Variants in NFIX observed in about 807,000 individuals in gnomAD.
NFIX encodes the protein nuclear factor I X, also known as nuclear factor 1 X-type.
Under a neutral mutation model 53.3 loss-of-function variants are expected in NFIX, and 2 were observed. The observed-to-expected ratio is 0.04, with a 90% CI of 0.02 to 0.12. The LOEUF is 0.12. Among genes scored for constraint, NFIX ranks in the 10% least tolerant of loss-of-function variants. The pLI, the probability that NFIX is intolerant of heterozygous loss-of-function variation, is 1.00. For synonymous variants in NFIX, 244 were observed against 289.0 expected (o/e 0.84, Z 1.58); for missense variants, 310 against 674.5 (o/e 0.46, Z 5.99).
At chr19:13,047,550 T>C (rs866512244) in intron 2 of NFIX, among the ~76,000 whole-genome samples, 1 of 152,194 alleles carries the variant, frequency 6.6e-6, no homozygotes, top group Admixed American at 6.5e-5. Flanking sequence ...CAATTTTGGC[T>C]GCTTCGTCCA....
Position 13,094,165 on chromosome 19 carries a change from T to C in NFIX, c.1495-470T>C, listed in dbSNP as rs536105389. On this transcript the variant is annotated intron_variant, in intron 10 of 10. Transcript: ENST00000592199. The surrounding 1 kb of genome is among the most constrained non-coding windows in gnomAD (Gnocchi z 4.3). The stretch of plus-strand genomic sequence containing the variant: ...TGGGACCTTGGCTGGGGTATATAGA[T>C]GGGAATTTCTGCTTTTAATCCAAAG... Among the ~76,000 whole-genome samples the C allele has an allele frequency of 6.6e-6, 1 of 152,190 alleles. No homozygotes were observed. The highest frequency in any genetic ancestry group is 2.4e-5 in the African/African-American group (1 of 41,508).
Position 13,004,980 on chromosome 19 carries a change from C to G in NFIX, c.27+9116C>G, listed in dbSNP as rs569747512. On this transcript the variant is annotated intron_variant, in intron 1 of 10. Transcript: ENST00000592199. ...TACAGATGTGCACTATCACACCTGG[C>G]TAATTTTTGTATTTTTAGTAGAGAC... 5.3e-5 allele frequency among the ~76,000 whole-genome samples: 8 copies of G among 152,228 alleles called. No homozygotes were observed. The South Asian group carries it at 1.7e-3, about 32-fold the overall frequency.
chr19:13,092,243 T>C (rs1015311497), intron 10 of NFIX, among the ~76,000 whole-genome samples: 1 of 152,250 alleles, frequency 6.6e-6, no homozygotes, highest in Admixed American at 6.5e-5. Context: ...AGCAATTTTG[T>C]CATTCCCTGG....
At position 13,045,571 on chromosome 19, in the gene NFIX, G is replaced by C. The variant is rs2014932377; in HGVS notation, c.559+20019G>C. The stretch of plus-strand genomic sequence containing the variant: ...GCAGGGCAAGCCAGGCCCAAGGAGG[G>C]CTCTAAGAACTCCCTGATGCTGAGT... On this transcript the variant is annotated intron_variant, in intron 2 of 10. Transcript: ENST00000592199. The surrounding 1 kb of genome is among the most constrained non-coding windows in gnomAD (Gnocchi z 4.4). Among the ~76,000 whole-genome samples, 1 of 152,150 alleles carries C rather than the reference G, an allele frequency of 6.6e-6. No homozygotes were observed. The highest frequency in any genetic ancestry group is 2.1e-4 in the South Asian group (1 of 4,834).
At chr19:13,020,246 A>G (rs2012897437) in intron 1 of NFIX, among the ~76,000 whole-genome samples, 1 of 152,160 alleles carries the variant, frequency 6.6e-6, no homozygotes, top group Non-Finnish European at 1.5e-5. Context: ...AAAGGGGGAC[A>G]GTTTCCTTTT....
chr19:13,025,457 A>G lies in NFIX; in HGVS notation c.464A>G (p.Gln155Arg). 6.2e-7 allele frequency: 1 copy of G among 1,614,082 alleles called. No homozygotes were observed. The highest frequency in any genetic ancestry group is 8.5e-7 in the Non-Finnish European group (1 of 1,179,914). ...GGGGAGCGGCTCTACAAGTCGCCTC[A>G]GTGCTCGAACCCCGGCCTGTGCGTC... is the stretch of plus-strand genomic sequence containing the variant. ...TDGERLYKSP[Q>R]CSNPGLCVQP... Residue 155 changes from glutamine to arginine, a missense_variant, in exon 2 of 11, where the codon CAG (glutamine) becomes CGG (arginine). Coordinates refer to ENST00000592199, the MANE Select transcript of NFIX (RefSeq NM_001365902.3). The surrounding 1 kb of genome is among the most constrained non-coding windows in gnomAD (Gnocchi z 7.5).
chr19:13,026,526 C>T (rs551355749), intron 2 of NFIX, among the ~76,000 whole-genome samples: 4 of 152,266 alleles, frequency 2.6e-5, no homozygotes, highest in African/African-American at 7.2e-5. Flanking sequence ...TTACCCTTTC[C>T]CTTTTTATAA....
chr19:13,001,360 A>G lies in NFIX; in HGVS notation c.27+5496A>G, dbSNP rs1480904699. 4.0e-5 allele frequency among the ~76,000 whole-genome samples: 6 copies of G among 151,678 alleles called. No homozygotes were observed. Among genetic ancestry groups the G allele is most frequent in the Non-Finnish European group, 7.4e-5 (5 of 67,998 alleles). ...GTGCTACCTGCATGTGACTCCACGG[A>G]TCATCGCACGCCCTGTCTCTTGTGT... On this transcript the variant is annotated intron_variant, in intron 1 of 10. Transcript: ENST00000592199. The surrounding 1 kb of genome is among the most constrained non-coding windows in gnomAD (Gnocchi z 6.5).
rs1027311847 is a variant in NFIX at position 13,095,610 on chromosome 19, C to G, written c.*961C>G. On this transcript the variant is annotated 3_prime_UTR_variant, in exon 11 of 11. Transcript: ENST00000592199. The stretch of plus-strand genomic sequence containing the variant: ...CGCCCCATCAGTTCCTGCCCCTGCC[C>G]CTCATGCAGACTGCCCTGCTGGGGC... 1.3e-5 allele frequency: 2 copies of G among 152,368 alleles called. No homozygotes were observed. The highest frequency in any genetic ancestry group is 2.9e-5 in the Non-Finnish European group (2 of 68,070). The allele number at this position is 152,368 out of a possible 1,614,324, so 9.4% of individuals were successfully genotyped here. A position where few individuals can be genotyped will look rare whatever the true frequency, so the allele number is the denominator to read the frequency against.
rs2016412104 is a variant in NFIX at position 13,066,500 on chromosome 19, G to A, written c.560-6547G>A. On this transcript the variant is annotated intron_variant, in intron 2 of 10. Transcript: ENST00000592199. The surrounding 1 kb of genome is among the most constrained non-coding windows in gnomAD (Gnocchi z 4.2). ...ATGTCCTCTTCCCCCATCTCCAGCA[G>A]GTCAGTCAAGTCAAAGGCAGAAGCC... Among the ~76,000 whole-genome samples the A allele has an allele frequency of 6.6e-6, 1 of 152,098 alleles. No homozygotes were observed. The highest frequency in any genetic ancestry group is 1.5e-5 in the Non-Finnish European group (1 of 68,032).
intron 1 of NFIX, among the ~76,000 whole-genome samples, chr19:13,023,176 AGAG>A (rs2013049294): frequency 6.7e-6 from 1 of 149,358 alleles, no homozygotes; most frequent in Non-Finnish European, 1.5e-5. Flanking sequence ...GGAGAGAGAG[AGAG>A]GGAGTTTGAG....
At chr19:13,034,004 A>G (rs2014000472) in intron 2 of NFIX, among the ~76,000 whole-genome samples, 2 of 152,224 alleles carry the variant, frequency 1.3e-5, no homozygotes, top group African/African-American at 4.8e-5. Flanking sequence ...GGAGGACCCG[A>G]AGTACAGAGA....
intron 10 of NFIX, among the ~76,000 whole-genome samples, chr19:13,092,372 G>T (rs1480607501): frequency 6.6e-6 from 1 of 152,212 alleles, no homozygotes; most frequent in African/African-American, 2.4e-5. Context: ...GACCTGTGGG[G>T]AGGTGCCGGG....
chr19:13,072,942 G>A lies in NFIX; in HGVS notation c.560-105G>A, dbSNP rs1236755381. The A allele has an allele frequency of 4.5e-6, 5 of 1,099,362 alleles. No individual in the cohort carries two copies. The highest frequency in any genetic ancestry group is 7.0e-6 in the Non-Finnish European group (5 of 712,066). The allele number at this position is 1,099,362 out of a possible 1,614,324, so 68.1% of individuals were successfully genotyped here. On this transcript the variant is annotated intron_variant, in intron 2 of 10. Transcript: ENST00000592199. The surrounding 1 kb of genome is among the most constrained non-coding windows in gnomAD (Gnocchi z 4.0). ...TGGGGTGAAGGTTTCTGTAGCCAGG[G>A]TGGGCCGTCCCTGCTCTTGCACCAG...
intron 1 of NFIX, among the ~76,000 whole-genome samples, chr19:13,017,844 C>G (rs1260674200): frequency 6.6e-6 from 1 of 152,222 alleles, no homozygotes; most frequent in Non-Finnish European, 1.5e-5. Flanking sequence ...TGAAGCTGGC[C>G]TGTGCAGTTC....
intron 6 of NFIX, among the ~76,000 whole-genome samples, chr19:13,077,135 G>C (rs141128412): frequency 1.1e-4 from 16 of 152,086 alleles, no homozygotes; most frequent in Non-Finnish European, 2.2e-4. Context: ...ACTGCCCCTG[G>C]GGTGCATAGA....
chr19:13,039,873 C>A (rs1208778499), intron 2 of NFIX, among the ~76,000 whole-genome samples: 2 of 152,060 alleles, frequency 1.3e-5, no homozygotes, highest in Non-Finnish European at 2.9e-5. Context: ...GGGAAGCAGC[C>A]CATGGCCCAT....
At position 13,021,684 on chromosome 19, in the gene NFIX, CCTT is replaced by C. The variant is rs527478851; in HGVS notation, c.28-3333_28-3331del. ...TTTTCCTTTTATGTCATATCTATTTCCTTCTTACTGTGTTTCGAAGGCCTCAAG... is the reference window on the plus strand; with the variant it reads ...TTTTCCTTTTATGTCATATCTATTTCCTTACTGTGTTTCGAAGGCCTCAAG... On this transcript the variant is annotated intron_variant, in intron 1 of 10. Coordinates refer to ENST00000592199, the MANE Select transcript of NFIX (RefSeq NM_001365902.3). The surrounding 1 kb of genome is among the most constrained non-coding windows in gnomAD (Gnocchi z 4.2). Among the ~76,000 whole-genome samples the C allele has an allele frequency of 3.9e-4, 59 of 152,216 alleles. No homozygotes were observed. Among genetic ancestry groups the C allele is most frequent in the African/African-American group, 1.2e-3 (50 of 41,524 alleles).
At chr19:13,085,216 A>G (rs1266889024) in intron 8 of NFIX, among the ~76,000 whole-genome samples, 1 of 152,230 alleles carries the variant, frequency 6.6e-6, no homozygotes, top group Non-Finnish European at 1.5e-5. Context: ...GAGCTGAGAC[A>G]TGCCAGCCTG....
Sources: allele counts gnomAD v4.1 joint callset (sites outside exome capture counted in the v4.1 genomes callset), GRCh38; gene constraint gnomAD v4.1.1; non-coding constraint Gnocchi (gnomAD v3.1); transcripts MANE v1.5; gene names NCBI Gene and HGNC (gene_info 2026-07-23, HGNC 2026-07-21).